SYT6: variants seen among roughly 807,000 people sequenced by gnomAD.
The protein encoded by SYT6 is synaptotagmin 6, also known as synaptotagmin-6.
Under a neutral mutation model 38.4 loss-of-function variants are expected in SYT6, and 24 were observed. The ratio of observed to expected loss-of-function variants is 0.62; its 90% CI spans 0.45 to 0.88. SYT6 has a LOEUF of 0.88. Among genes scored for constraint, SYT6 ranks in the 40% least tolerant of loss-of-function variants. SYT6 has a pLI of 0.00. For missense variants in SYT6, 611 were observed against 621.0 expected, an observed-to-expected ratio of 0.98 and a Z score of 0.17; for synonymous variants, 265 against 241.9, an observed-to-expected ratio of 1.10 and a Z score of -0.89.
At chr1:114,148,292 G>A (rs1290098221) in intron 1 of SYT6, among the ~76,000 whole-genome samples, 1 of 152,132 alleles carries the variant, frequency 6.6e-6, no homozygotes, top group Admixed American at 6.5e-5. Flanking sequence ...TTTCTAATGG[G>A]CTCCCACATC....
At chr1:114,134,810 C>T (rs1053717834) in intron 3 of SYT6, among the ~76,000 whole-genome samples, 1 of 152,194 alleles carries the variant, frequency 6.6e-6, no homozygotes, top group Non-Finnish European at 1.5e-5. Flanking sequence ...TGGGAGCTGG[C>T]TGTTGGCTGC....
intron 3 of SYT6, among the ~76,000 whole-genome samples, chr1:114,121,888 C>T (rs1313284173): frequency 6.6e-6 from 1 of 152,166 alleles, no homozygotes; most frequent in East Asian, 1.9e-4. Context: ...GCCCTTGTCT[C>T]ATTGAAATTG....
rs1675232546 is a variant in SYT6 at position 114,090,399 on chromosome 1, G to A, written c.*1735C>T. 1 of 152,348 alleles carries A rather than the reference G, an allele frequency of 6.6e-6. No individual in the cohort carries two copies. The highest frequency in any genetic ancestry group is 2.4e-5 in the African/African-American group (1 of 41,458). 9.4% of individuals were successfully genotyped at this position (152,348 alleles called of 1,614,324 possible). On this transcript the variant is annotated 3_prime_UTR_variant, in exon 8 of 8. Transcript: ENST00000610222. ...TTATCTACATTTACTTTTCTAAGCA[G>A]AAAATTCCTTTTGCCACAATATCCT...
intron 3 of SYT6, among the ~76,000 whole-genome samples, chr1:114,105,441 C>A (rs1676235483): frequency 1.1e-5 from 1 of 91,194 alleles, no homozygotes; most frequent in South Asian, 4.4e-4. Flanking sequence ...TTGTCCAGGC[C>A]CCCGAAAAAA....
intron 3 of SYT6, among the ~76,000 whole-genome samples, chr1:114,116,434 A>G (rs1025569473): frequency 6.6e-6 from 1 of 152,132 alleles, no homozygotes; most frequent in East Asian, 1.9e-4. Context: ...GGAGGAGGAA[A>G]CCCACATATG....
At chr1:114,122,905 T>A (rs1374171113) in intron 3 of SYT6, among the ~76,000 whole-genome samples, 24 of 152,114 alleles carry the variant, frequency 1.6e-4, no homozygotes, top group Non-Finnish European at 4.4e-5. Flanking sequence ...CCTTGAGCCC[T>A]AATCCCCTAC....
chr1:114,122,964 A>G (rs6683573), intron 3 of SYT6, among the ~76,000 whole-genome samples: 93,415 of 151,796 alleles, frequency 0.62, 29,137 homozygotes, highest in East Asian at 0.85. Flanking sequence ...GCTTGTCAGC[A>G]TTAGAATCCT....
At chr1:114,107,020 C>A (rs1227789573) in intron 3 of SYT6, among the ~76,000 whole-genome samples, 3 of 152,176 alleles carry the variant, frequency 2.0e-5, no homozygotes, top group East Asian at 1.9e-4. Flanking sequence ...GTGTTATGAT[C>A]AAGTTAGGGC....
intron 1 of SYT6, among the ~76,000 whole-genome samples, chr1:114,153,218 C>T (rs1018025072): frequency 6.6e-6 from 1 of 152,330 alleles, no homozygotes; most frequent in East Asian, 1.9e-4. Context: ...AGGAGGCAAG[C>T]CCTATTCCTC....
chr1:114,133,247 C>T (rs940939467), intron 3 of SYT6, among the ~76,000 whole-genome samples: 4 of 152,170 alleles, frequency 2.6e-5, no homozygotes, highest in East Asian at 3.9e-4. Context: ...GGAAGATGGC[C>T]GAATCCATTA....
chr1:114,136,146 C>T (rs554773569), intron 3 of SYT6, among the ~76,000 whole-genome samples: 1 of 152,320 alleles, frequency 6.6e-6, no homozygotes, highest in Admixed American at 6.5e-5. Flanking sequence ...TGGCGTGTCC[C>T]CCAGACCCTT....
chr1:114,122,831 C>T (rs1473575154), intron 3 of SYT6, among the ~76,000 whole-genome samples: 6 of 152,042 alleles, frequency 3.9e-5, no homozygotes, highest in African/African-American at 7.2e-5. Flanking sequence ...TCTCCACAAA[C>T]CTACCAAAAA....
chr1:114,126,382 C>A (rs572373909), intron 3 of SYT6, among the ~76,000 whole-genome samples: 32 of 152,320 alleles, frequency 2.1e-4, no homozygotes, highest in African/African-American at 7.5e-4. Context: ...CATAGTTACA[C>A]CCCATGACCC....
At position 114,139,734 on chromosome 1, in the gene SYT6, G is replaced by T; in HGVS notation, c.393C>A (p.Ala131=). Residue 131 remains alanine (A), a synonymous_variant, in exon 2 of 8, where the codon GCC becomes GCA. Transcript: ENST00000610222. Reference sequence around the variant, plus strand: ...CTGGGGACGTGTGGCTGATCTTCACGGCCGCCTCCAGGAAGCCCAGGGTGC... The same window carrying T: ...CTGGGGACGTGTGGCTGATCTTCACTGCCGCCTCCAGGAAGCCCAGGGTGC... ...DPSTLGFLEA[A]VKISHTSPDI... is the part of the protein sequence containing the mutation. 6.2e-7 allele frequency: 1 copy of T among 1,614,118 alleles called. No individual in the cohort carries two copies. Among genetic ancestry groups the T allele is most frequent in the Non-Finnish European group, 8.5e-7 (1 of 1,180,032 alleles).
At chr1:114,130,866 G>A (rs892311873) in intron 3 of SYT6, among the ~76,000 whole-genome samples, 5 of 152,188 alleles carry the variant, frequency 3.3e-5, no homozygotes, top group Non-Finnish European at 5.9e-5. Context: ...CTTCGAAGGC[G>A]TTGTCTCAAA....
intron 7 of SYT6, among the ~76,000 whole-genome samples, chr1:114,092,376 G>A (rs1476947567): frequency 6.6e-6 from 1 of 151,324 alleles, no homozygotes; most frequent in African/African-American, 2.4e-5. Flanking sequence ...GTGAGAATGA[G>A]GTGCTCTGAC....
chr1:114,103,851 A>T, intron 3 of SYT6, 130 bp from the exon 4 acceptor site: 1 of 1,185,924 alleles, frequency 8.4e-7, no homozygotes, highest in Non-Finnish European at 1.2e-6. Context: ...TGTTTTTAAG[A>T]CTAAGGGACT....
At chr1:114,147,380 G>C (rs1679208231) in intron 1 of SYT6, among the ~76,000 whole-genome samples, 1 of 152,230 alleles carries the variant, frequency 6.6e-6, no homozygotes. Flanking sequence ...TGAAATTTGG[G>C]GAAAAGAAGC....
rs1268957196 is a variant in SYT6 at position 114,090,781 on chromosome 1, G to A, written c.*1353C>T. The A allele has an allele frequency of 4.6e-5, 7 of 152,398 alleles. No individual in the cohort carries two copies. The highest frequency in any genetic ancestry group is 1.4e-4 in the African/African-American group (6 of 41,444). The allele number at this position is 152,398 out of a possible 1,614,324, so 9.4% of individuals were successfully genotyped here. ...ATCAACCTGGTTTTAGGGGTTGGTG[G>A]GAAGACCACTATTAACTCAACAGAA... is the stretch of plus-strand genomic sequence containing the variant. On this transcript the variant is annotated 3_prime_UTR_variant, in exon 8 of 8. Transcript: ENST00000610222.
Sources: gnomAD v4.1 joint callset for allele counts (sites outside exome capture counted in the v4.1 genomes callset) on GRCh38, gnomAD v4.1.1 for gene constraint, MANE v1.5 for transcripts, NCBI Gene and HGNC (gene_info 2026-07-23, HGNC 2026-07-21) for gene names.